ATRNL1: variants seen among roughly 807,000 people sequenced by gnomAD.
The protein encoded by ATRNL1 is attractin like 1, also known as attractin-like protein 1.
A neutral mutation model predicts 182.7 loss-of-function variants in ATRNL1; 95 were observed. The ratio of observed to expected loss-of-function variants is 0.52; its 90% CI spans 0.44 to 0.62. The LOEUF (loss-of-function observed/expected upper bound fraction) is 0.62, where lower values mean the gene tolerates loss of function less well. Ranked by LOEUF, ATRNL1 falls within the 20% of genes least tolerant of loss-of-function variation. ATRNL1 has a pLI of 0.00. For synonymous variants in ATRNL1, 576 were observed against 568.3 expected (o/e 1.01, Z -0.19); for missense variants, 1,471 against 1,679.5 (o/e 0.88, Z 2.17).
intron 20 of ATRNL1, among the ~76,000 whole-genome samples, chr10:115,410,482 A>G (rs1242916242): frequency 1.3e-5 from 2 of 151,056 alleles, no homozygotes; most frequent in African/African-American, 4.9e-5. Flanking sequence ...CCACACACCC[A>G]GCTAATTTTT....
At chr10:115,712,743 C>T (rs1220782168) in intron 26 of ATRNL1, among the ~76,000 whole-genome samples, 1 of 151,918 alleles carries the variant, frequency 6.6e-6, no homozygotes, top group Non-Finnish European at 1.5e-5. Context: ...TGATGTGCGC[C>T]TGTAATCCCA....
chr10:115,734,524 C>A (rs144560468), intron 27 of ATRNL1, among the ~76,000 whole-genome samples: 54 of 152,092 alleles, frequency 3.6e-4, no homozygotes, highest in African/African-American at 1.3e-3. Flanking sequence ...TGATAGTCAT[C>A]TGATTATATG....
intron 26 of ATRNL1, among the ~76,000 whole-genome samples, chr10:115,689,787 G>A (rs1490508180): frequency 2.0e-5 from 3 of 152,196 alleles, no homozygotes; most frequent in Non-Finnish European, 4.4e-5. Context: ...GCTCTCTGCA[G>A]CAACAGTTCT....
intron 26 of ATRNL1, among the ~76,000 whole-genome samples, chr10:115,638,721 A>G (rs1859049176): frequency 6.6e-6 from 1 of 152,242 alleles, no homozygotes; most frequent in African/African-American, 2.4e-5. Flanking sequence ...TTTTAAATAA[A>G]GAATCAAATG....
intron 26 of ATRNL1, among the ~76,000 whole-genome samples, chr10:115,644,988 G>A (rs1193083050): frequency 2.6e-5 from 4 of 152,054 alleles, no homozygotes; most frequent in Non-Finnish European, 4.4e-5. Context: ...ATAGAAAGGC[G>A]TATATCACTT....
chr10:115,661,109 T>C (rs1452910702), intron 26 of ATRNL1, among the ~76,000 whole-genome samples: 1 of 152,070 alleles, frequency 6.6e-6, no homozygotes, highest in Non-Finnish European at 1.5e-5. Flanking sequence ...ATCTAAGACA[T>C]TACCTAGAGA....
chr10:115,767,806 A>G (rs1315620803), intron 27 of ATRNL1, among the ~76,000 whole-genome samples: 1 of 152,176 alleles, frequency 6.6e-6, no homozygotes, highest in East Asian at 1.9e-4. Flanking sequence ...TTAATGTATC[A>G]TAGTGGATCT....
At chr10:115,514,886 A>T (rs1446937347) in intron 24 of ATRNL1, among the ~76,000 whole-genome samples, 1 of 151,474 alleles carries the variant, frequency 6.6e-6, no homozygotes, top group Non-Finnish European at 1.5e-5. Flanking sequence ...TCCTTTCCCC[A>T]CTTTTGTTGG....
At chr10:115,780,275 G>A (rs1255456913) in intron 27 of ATRNL1, among the ~76,000 whole-genome samples, 2 of 152,192 alleles carry the variant, frequency 1.3e-5, no homozygotes, top group African/African-American at 4.8e-5. Context: ...CCAGCCCTAG[G>A]CAGAGGGGAA....
intron 24 of ATRNL1, among the ~76,000 whole-genome samples, chr10:115,518,540 A>G (rs782018176): frequency 2.5e-4 from 38 of 151,908 alleles, no homozygotes; most frequent in African/African-American, 8.7e-4. Context: ...TAGATTTTCT[A>G]TAACATTATA....
intron 24 of ATRNL1, among the ~76,000 whole-genome samples, chr10:115,488,345 TG>T (rs1184898035): frequency 1.3e-5 from 2 of 152,200 alleles, no homozygotes; most frequent in African/African-American, 4.8e-5. Context: ...TGAATCCATC[TG>T]GTAGTGGACT....
chr10:115,439,237 G>A (rs782546460), intron 21 of ATRNL1, among the ~76,000 whole-genome samples: 4 of 151,726 alleles, frequency 2.6e-5, no homozygotes, highest in Non-Finnish European at 3.0e-5. Context: ...TGTCTCAGAG[G>A]TGGCACAGGT....
Position 115,172,194 on chromosome 10 carries a change from C to G in ATRNL1, c.1348+902C>G, listed in dbSNP as rs142353597. Among the ~76,000 whole-genome samples the G allele has an allele frequency of 1.8e-3, 275 of 152,062 alleles. 1 individual carries two copies. Among genetic ancestry groups the G allele is most frequent in the East Asian group, 2.9e-3 (15 of 5,172 alleles). On this transcript the variant is annotated intron_variant, in intron 8 of 28. Coordinates refer to ENST00000355044, the MANE Select transcript of ATRNL1 (RefSeq NM_207303.4). Reference sequence around the variant, plus strand: ...TTCAAGTGATGGCTGTTTTTGTTTACATATTCTCAGTACAGCTGGGTCAAA... The same window carrying G: ...TTCAAGTGATGGCTGTTTTTGTTTAGATATTCTCAGTACAGCTGGGTCAAA...
chr10:115,176,645 C>T (rs1160515774), intron 8 of ATRNL1, among the ~76,000 whole-genome samples: 1 of 151,958 alleles, frequency 6.6e-6, no homozygotes, highest in Non-Finnish European at 1.5e-5. Context: ...AAATTGCCAT[C>T]AACCGACATG....
chr10:115,449,064 G>T (rs1554967179), intron 21 of ATRNL1, among the ~76,000 whole-genome samples: 1 of 152,192 alleles, frequency 6.6e-6, no homozygotes, highest in African/African-American at 2.4e-5. Flanking sequence ...GAAGAGGGCA[G>T]TCCCTGGGAG....
chr10:115,304,825 C>T (rs532216323), intron 17 of ATRNL1, among the ~76,000 whole-genome samples: 1 of 152,224 alleles, frequency 6.6e-6, no homozygotes, highest in South Asian at 2.1e-4. Context: ...AGGTGGGAAT[C>T]GCCATGTTGA....
chr10:115,648,337 C>T (rs1228520465), intron 26 of ATRNL1, among the ~76,000 whole-genome samples: 1 of 152,186 alleles, frequency 6.6e-6, no homozygotes, highest in African/African-American at 2.4e-5. Flanking sequence ...ATTCCATGCT[C>T]ATGGATAGAA....
At chr10:115,716,338 AT>A (rs1947251386) in intron 26 of ATRNL1, among the ~76,000 whole-genome samples, 1 of 152,202 alleles carries the variant, frequency 6.6e-6, no homozygotes, top group Non-Finnish European at 1.5e-5. Flanking sequence ...AAGGAAAAAA[AT>A]ATCTTTAATA....
At chr10:115,166,320 G>T (rs1181275760) in intron 7 of ATRNL1, among the ~76,000 whole-genome samples, 3 of 152,036 alleles carry the variant, frequency 2.0e-5, no homozygotes, top group African/African-American at 7.2e-5. Flanking sequence ...TGGACACTTA[G>T]ATAGCTTCCA....
Sources: allele counts gnomAD v4.1 joint callset (sites outside exome capture counted in the v4.1 genomes callset), GRCh38; gene constraint gnomAD v4.1.1; transcripts MANE v1.5; gene names NCBI Gene and HGNC (gene_info 2026-07-23, HGNC 2026-07-21).